The following ANKS1B variants were observed in gnomAD, a reference collection of about 807,000 sequenced individuals.
The protein encoded by ANKS1B is ankyrin repeat and sterile alpha motif domain-containing protein 1B.
ANKS1B carries 36 observed loss-of-function variants against 148.3 expected under a neutral mutation model. That is an observed-to-expected ratio of 0.24 (90% CI 0.19 to 0.32). The LOEUF is 0.32. Among genes scored for constraint, ANKS1B ranks in the 10% least tolerant of loss-of-function variants. The probability of loss-of-function intolerance (pLI) is 1.00; values close to 1 mark genes in which losing one functional copy is unlikely to be tolerated. For missense variants in ANKS1B, 1,157 were observed against 1,542.6 expected, an observed-to-expected ratio of 0.75 and a Z score of 4.19; for synonymous variants, 542 against 560.8, an observed-to-expected ratio of 0.97 and a Z score of 0.47.
At chr12:99,543,712 A>C (rs1336847793) in intron 9 of ANKS1B, among the ~76,000 whole-genome samples, 1 of 152,112 alleles carries the variant, frequency 6.6e-6, no homozygotes, top group African/African-American at 2.4e-5. Flanking sequence ...AACATAAATA[A>C]ACTTTAAAAA....
intron 12 of ANKS1B, among the ~76,000 whole-genome samples, chr12:99,316,269 T>C (rs1168610040): frequency 2.0e-5 from 3 of 152,220 alleles, no homozygotes; most frequent in East Asian, 3.9e-4. Context: ...ATGGGTGAAC[T>C]AGTTTACAGT....
intron 15 of ANKS1B, among the ~76,000 whole-genome samples, chr12:99,101,615 G>A (rs915326547): frequency 6.6e-6 from 1 of 152,206 alleles, no homozygotes; most frequent in African/African-American, 2.4e-5. Context: ...AGGCTGGAGT[G>A]CAATGGCATG....
intron 12 of ANKS1B, among the ~76,000 whole-genome samples, chr12:99,367,772 G>A (rs1020422321): frequency 6.6e-6 from 1 of 151,806 alleles, no homozygotes; most frequent in African/African-American, 2.4e-5. Flanking sequence ...TCAGAGCAGA[G>A]TATGTGTGTG....
At position 99,225,383 on chromosome 12, in the gene ANKS1B, G is replaced by T. The variant is rs557759378; in HGVS notation, c.2419+18959C>A. On this transcript the variant is annotated intron_variant, in intron 14 of 26. Coordinates refer to ENST00000683438, the MANE Select transcript of ANKS1B (RefSeq NM_001352186.2). Reference sequence around the variant, plus strand: ...AGCTCAGAGTCAAGTTGTAGTCTTAGTTGTAGTCATTTTTCTTAATTTGGG... The same window carrying T: ...AGCTCAGAGTCAAGTTGTAGTCTTATTTGTAGTCATTTTTCTTAATTTGGG... Among the ~76,000 whole-genome samples, 11 of 152,190 alleles carry T rather than the reference G, an allele frequency of 7.2e-5. No individual in the cohort carries two copies. In the South Asian group the frequency reaches 2.3e-3, roughly 32 times the overall value.
At chr12:99,794,594 C>T (rs946273457) in intron 4 of ANKS1B, among the ~76,000 whole-genome samples, 17 of 151,700 alleles carry the variant, frequency 1.1e-4, no homozygotes, top group African/African-American at 4.1e-4. Context: ...ATAAGCCAGG[C>T]TCAGAAAGAC....
intron 8 of ANKS1B, among the ~76,000 whole-genome samples, chr12:99,705,039 A>C (rs2031874875): frequency 1.3e-5 from 2 of 152,242 alleles, no homozygotes; most frequent in Non-Finnish European, 2.9e-5. Context: ...CCATAGAAAA[A>C]ACTAAAAATC....
intron 12 of ANKS1B, among the ~76,000 whole-genome samples, chr12:99,279,020 T>C (rs1349841956): frequency 2.6e-5 from 4 of 152,138 alleles, no homozygotes. Flanking sequence ...ACTGTGGTTT[T>C]CTTTGTGTTT....
intron 4 of ANKS1B, among the ~76,000 whole-genome samples, chr12:99,788,994 G>A (rs2061013050): frequency 6.6e-6 from 1 of 152,072 alleles, no homozygotes; most frequent in African/African-American, 2.4e-5. Flanking sequence ...TCTAATCCTT[G>A]GCTTCCAGAC....
At chr12:99,601,262 A>T (rs929189072) in intron 9 of ANKS1B, among the ~76,000 whole-genome samples, 1 of 152,090 alleles carries the variant, frequency 6.6e-6, no homozygotes, top group Admixed American at 6.6e-5. Flanking sequence ...CGAAGATTTT[A>T]ACAAATTTTT....
At chr12:99,558,812 C>T (rs1334095289) in intron 9 of ANKS1B, among the ~76,000 whole-genome samples, 4 of 152,166 alleles carry the variant, frequency 2.6e-5, no homozygotes, top group Non-Finnish European at 5.9e-5. Context: ...CCTGGAGGAG[C>T]ATGGCAAGCC....
In ANKS1B at chr12:99,847,884, C is replaced by T. The variant is rs148147562; in HGVS notation, c.135-22495G>A. On this transcript the variant is annotated intron_variant, in intron 1 of 26. Coordinates refer to ENST00000683438, the MANE Select transcript of ANKS1B (RefSeq NM_001352186.2). ...AGTCCATGGTTGAACTTTCCCTTTG[C>T]TTGACCTACCCCAAAGCTTAAGGCA... Among the ~76,000 whole-genome samples the T allele has an allele frequency of 1.9e-3, 282 of 152,168 alleles. 3 individuals carry two copies. Among genetic ancestry groups the T allele is most frequent in the African/African-American group, 6.5e-3 (271 of 41,536 alleles).
At chr12:98,790,395 C>A (rs1488533648) in intron 22 of ANKS1B, among the ~76,000 whole-genome samples, 1 of 152,136 alleles carries the variant, frequency 6.6e-6, no homozygotes, top group Admixed American at 6.5e-5. Flanking sequence ...GTTAATATAG[C>A]ATCTACATTT....
chr12:99,623,096 T>TA (rs1302773458), intron 9 of ANKS1B, among the ~76,000 whole-genome samples: 3 of 151,994 alleles, frequency 2.0e-5, no homozygotes. Context: ...GTTGGCTCAA[T>TA]ATATATAAAT....
chr12:98,965,384 C>T (rs2099876959), intron 17 of ANKS1B, among the ~76,000 whole-genome samples: 1 of 152,184 alleles, frequency 6.6e-6, no homozygotes, highest in Non-Finnish European at 1.5e-5. Flanking sequence ...CAATATCATG[C>T]CTAGCTCATT....
chr12:99,755,477 C>T (rs143893805), intron 8 of ANKS1B, among the ~76,000 whole-genome samples: 4,561 of 151,898 alleles, frequency 0.03, 89 homozygotes, highest in Non-Finnish European at 0.05. Flanking sequence ...AGGAGGGACT[C>T]CTCCCTAACT....
intron 12 of ANKS1B, among the ~76,000 whole-genome samples, chr12:99,325,346 T>C (rs980653337): frequency 1.3e-5 from 2 of 152,068 alleles, no homozygotes; most frequent in African/African-American, 4.8e-5. Flanking sequence ...GTGAAATCAT[T>C]GATGCTTTAT....
chr12:99,810,312 A>G (rs2068179715), intron 3 of ANKS1B, among the ~76,000 whole-genome samples: 1 of 152,190 alleles, frequency 6.6e-6, no homozygotes, highest in African/African-American at 2.4e-5. Flanking sequence ...TTATGTCTCA[A>G]TAAATGCTAA....
intron 14 of ANKS1B, among the ~76,000 whole-genome samples, chr12:99,163,075 C>T (rs1317514710): frequency 6.6e-6 from 1 of 151,728 alleles, no homozygotes. Flanking sequence ...AAAAATTCTA[C>T]TAAGTAAATG....
chr12:99,071,044 C>T (rs976101657), intron 16 of ANKS1B, among the ~76,000 whole-genome samples: 3 of 152,166 alleles, frequency 2.0e-5, no homozygotes, highest in South Asian at 2.1e-4. Flanking sequence ...ACTCCTGATT[C>T]CCTGAACAGA....
Sources: gnomAD v4.1 joint callset for allele counts (sites outside exome capture counted in the v4.1 genomes callset) on GRCh38, gnomAD v4.1.1 for gene constraint, MANE v1.5 for transcripts, NCBI Gene and HGNC (gene_info 2026-07-23, HGNC 2026-07-21) for gene names.